Variants in ADRA1B observed in about 807,000 individuals in gnomAD.
ADRA1B encodes the protein adrenoceptor alpha 1B.
ADRA1B carries 17 observed loss-of-function variants against 17.9 expected under a neutral mutation model. The observed-to-expected ratio is 0.95, with a 90% confidence interval of 0.65 to 1.42. ADRA1B has a LOEUF of 1.42. ADRA1B is among the 40% of genes most tolerant of loss of function. The pLI is 0.00. For synonymous variants in ADRA1B, 366 were observed against 327.6 expected (o/e 1.12, Z -1.27); for missense variants, 681 against 722.1 (o/e 0.94, Z 0.65).
intron 1 of ADRA1B, chr5:159,948,037 G>A: frequency 1.0e-6 from 1 of 985,386 alleles, no homozygotes; most frequent in Admixed American, 6.1e-5. Context: ...GGCCACACTG[G>A]CCCATCGGTT....
downstream of ADRA1B, among the ~76,000 whole-genome samples, chr5:159,975,006 T>A (rs1173633554): frequency 6.6e-6 from 1 of 152,164 alleles, no homozygotes; most frequent in African/African-American, 2.4e-5. Flanking sequence ...CATCCTGTAG[T>A]TAAGTACATC....
At chr5:159,879,857 G>A (rs111930647) in intron 1 of ADRA1B, among the ~76,000 whole-genome samples, 7 of 152,164 alleles carry the variant, frequency 4.6e-5, no homozygotes, top group East Asian at 1.9e-4. Flanking sequence ...TTAGCTGGGC[G>A]TGGTGGCGGG....
Position 159,939,316 on chromosome 5 carries a change from T to TGC in ADRA1B, c.949+21463_949+21464insCG, listed in dbSNP as rs1432415323. On this transcript the variant is annotated intron_variant, in intron 1 of 1. Transcript: ENST00000306675. ...GTGTGTGTGTGTGTGTGTGTGTGTG[T>TGC]GTGTGTGCGCGCGCGCGCGCACACA... Among the ~76,000 whole-genome samples the TGC allele has an allele frequency of 2.7e-4, 32 of 119,578 alleles. 1 individual carries two copies. The East Asian group carries it at 4.5e-3, about 17-fold the overall frequency. 78.4% of individuals were successfully genotyped at this position (119,578 alleles called of 152,430 possible). A position where few individuals can be genotyped will look rare whatever the true frequency, so the allele number is the denominator to read the frequency against.
chr5:159,953,353 G>A (rs1358145881), intron 1 of ADRA1B, among the ~76,000 whole-genome samples: 1 of 152,022 alleles, frequency 6.6e-6, no homozygotes, highest in Non-Finnish European at 1.5e-5. Flanking sequence ...ATAAGACTCT[G>A]TCTCAGAAAA....
rs994791314 is a variant in ADRA1B, at chr5:159,972,206, C to T, written c.1277C>T (p.Pro426Leu). The T allele has an allele frequency of 3.1e-4, 427 of 1,359,408 alleles. No individual in the cohort carries two copies. Among genetic ancestry groups the T allele is most frequent in the Non-Finnish European group, 3.9e-4 (410 of 1,051,750 alleles). The allele number at this position is 1,359,408 out of a possible 1,614,324, so 84.2% of individuals were successfully genotyped here. The change falls in exon 2 of 2, where the codon CCG becomes CTG. Residue 426 changes from proline to leucine, a missense_variant. Coordinates refer to ENST00000306675, the MANE Select transcript of ADRA1B (RefSeq NM_000679.4). ...CAGCGGACCCTGCCCTCGGCCTCGC[C>T]GAGCCCGGGCTACCTGGGCCGCGGC... is the stretch of plus-strand genomic sequence containing the variant. ...GSQRTLPSAS[P>L]SPGYLGRGAP...
intron 1 of ADRA1B, among the ~76,000 whole-genome samples, chr5:159,918,192 A>G (rs778049058): frequency 1.3e-5 from 2 of 152,206 alleles, no homozygotes; most frequent in Non-Finnish European, 2.9e-5. Flanking sequence ...TTTCAGTAGT[A>G]ATGATGTGTC....
At chr5:159,901,785 T>C (rs989751599) in intron 1 of ADRA1B, among the ~76,000 whole-genome samples, 2 of 152,148 alleles carry the variant, frequency 1.3e-5, no homozygotes, top group South Asian at 2.1e-4. Flanking sequence ...TCAGAAAAAC[T>C]CAAATCAAAA....
chr5:159,983,433 G>A, the ADRA1B span, among the ~76,000 whole-genome samples: 1 of 152,142 alleles, frequency 6.6e-6, no homozygotes, highest in Non-Finnish European at 1.5e-5. Flanking sequence ...ATGTGTTCTG[G>A]CACCACGGTC....
chr5:159,950,390 A>C, intron 1 of ADRA1B: 3 of 643,158 alleles, frequency 4.7e-6, no homozygotes, highest in Non-Finnish European at 5.6e-6. Flanking sequence ...TGAGGAGGGG[A>C]GAGTCTCAGT....
chr5:159,931,967 A>G (rs1478176725), intron 1 of ADRA1B, among the ~76,000 whole-genome samples: 3 of 152,108 alleles, frequency 2.0e-5, no homozygotes, highest in East Asian at 1.9e-4. Flanking sequence ...CCATAGCACC[A>G]TCGATATAAC....
At chr5:159,876,084 G>T (rs1366830486) in intron 1 of ADRA1B, among the ~76,000 whole-genome samples, 1 of 152,138 alleles carries the variant, frequency 6.6e-6, no homozygotes, top group Non-Finnish European at 1.5e-5. Context: ...AGCTACTCAC[G>T]AGGCTGAGGC....
At chr5:159,928,008 G>A (rs578250610) in intron 1 of ADRA1B, among the ~76,000 whole-genome samples, 1 of 152,318 alleles carries the variant, frequency 6.6e-6, no homozygotes, top group African/African-American at 2.4e-5. Context: ...GATGACATGA[G>A]TGAGTGGCTG....
intron 1 of ADRA1B, among the ~76,000 whole-genome samples, chr5:159,956,124 C>T (rs1581065174): frequency 1.3e-5 from 2 of 152,166 alleles, no homozygotes; most frequent in African/African-American, 4.8e-5. Context: ...CTGAGTAGTC[C>T]CAGCTACTCA....
intron 1 of ADRA1B, among the ~76,000 whole-genome samples, chr5:159,952,145 G>C (rs1297260713): frequency 6.6e-6 from 1 of 151,948 alleles, no homozygotes; most frequent in Non-Finnish European, 1.5e-5. Flanking sequence ...TTGCCTTTTG[G>C]TACAGGAGGC....
intron 1 of ADRA1B, chr5:159,929,062 T>C (rs959741105): frequency 6.6e-6 from 1 of 152,166 alleles, no homozygotes; most frequent in African/African-American, 2.4e-5. Flanking sequence ...TTGGCTCCAT[T>C]GTTTCGCGGA....
intron 1 of ADRA1B, among the ~76,000 whole-genome samples, chr5:159,910,609 C>G (rs943311899): frequency 6.6e-6 from 1 of 152,250 alleles, no homozygotes; most frequent in Non-Finnish European, 1.5e-5. Flanking sequence ...GTTGCAGCTA[C>G]TCAACTCTGC....
chr5:159,897,221 C>G (rs967756556), intron 1 of ADRA1B, among the ~76,000 whole-genome samples: 1 of 152,136 alleles, frequency 6.6e-6, no homozygotes, highest in Non-Finnish European at 1.5e-5. Flanking sequence ...GGCGTGGTGG[C>G]TCACGCCTGT....
intron 1 of ADRA1B, among the ~76,000 whole-genome samples, chr5:159,908,151 C>T (rs1754182985): frequency 6.6e-6 from 1 of 152,162 alleles, no homozygotes. Context: ...CAGACCTCAC[C>T]ATGGAGACAG....
At chr5:159,939,430 C>G (rs1755064952) in intron 1 of ADRA1B, among the ~76,000 whole-genome samples, 1 of 152,054 alleles carries the variant, frequency 6.6e-6, no homozygotes, top group Non-Finnish European at 1.5e-5. Context: ...CAGATCTGCT[C>G]AAGCTGGTAC....
Sources: gnomAD v4.1 joint callset for allele counts (sites outside exome capture counted in the v4.1 genomes callset) on GRCh38, gnomAD v4.1.1 for gene constraint, MANE v1.5 for transcripts, NCBI Gene and HGNC (gene_info 2026-07-23, HGNC 2026-07-21) for gene names.